The following DMC1 variants were observed in gnomAD, a reference collection of about 807,000 sequenced individuals.
DMC1 encodes DNA meiotic recombinase 1, also known as meiotic recombination protein DMC1 homolog.
A neutral mutation model predicts 50.1 loss-of-function variants in DMC1; 27 were observed. The ratio of observed to expected loss-of-function variants is 0.54; its 90% CI spans 0.40 to 0.74. The LOEUF is 0.74. Among genes scored for constraint, DMC1 ranks in the 30% least tolerant of loss-of-function variants. The pLI, the probability that DMC1 is intolerant of heterozygous loss-of-function variation, is 0.00. For missense variants in DMC1, 295 were observed against 420.2 expected, an observed-to-expected ratio of 0.70 and a Z score of 2.60; for synonymous variants, 148 against 136.1, an observed-to-expected ratio of 1.09 and a Z score of -0.61.
chr22:38,523,521 T>C (rs1473765688), intron 12 of DMC1, among the ~76,000 whole-genome samples: 1 of 152,230 alleles, frequency 6.6e-6, no homozygotes, highest in Non-Finnish European at 1.5e-5. Context: ...TTTAGTACTA[T>C]TATTTATTTA....
At chr22:38,536,363 C>T (rs1347614445) in intron 12 of DMC1, among the ~76,000 whole-genome samples, 1 of 152,152 alleles carries the variant, frequency 6.6e-6, no homozygotes, top group South Asian at 2.1e-4. Flanking sequence ...TATTCAGACA[C>T]ATAATGCTCA....
chr22:38,557,818 T>C (rs575594840), intron 5 of DMC1, among the ~76,000 whole-genome samples: 165 of 152,256 alleles, frequency 1.1e-3, no homozygotes, highest in Non-Finnish European at 1.8e-3. Context: ...TTCAAGTTGA[T>C]AACTAATTTT....
chr22:38,535,659 G>A (rs2090203504), intron 12 of DMC1, among the ~76,000 whole-genome samples: 1 of 151,374 alleles, frequency 6.6e-6, no homozygotes, highest in Admixed American at 6.6e-5. Context: ...CCAGGCTGGA[G>A]TGCAGTGGCA....
downstream of DMC1, among the ~76,000 whole-genome samples, chr22:38,516,494 C>T (rs1021223035): frequency 3.9e-5 from 6 of 152,178 alleles, no homozygotes; most frequent in African/African-American, 1.4e-4. Flanking sequence ...TGGTCCACCC[C>T]CTCTCCAGGG....
downstream of DMC1, chr22:38,518,940 A>G (rs1464755066): frequency 6.6e-6 from 1 of 152,580 alleles, no homozygotes; most frequent in East Asian, 1.9e-4. Flanking sequence ...ACATATTTTC[A>G]CCATACATGC....
chr22:38,550,977 G>GA (rs1373690956), intron 7 of DMC1, among the ~76,000 whole-genome samples: 7 of 140,152 alleles, frequency 5.0e-5, no homozygotes, highest in Admixed American at 2.8e-4. Context: ...AAAGAAAAAA[G>GA]AAAAAAAAGA....
the DMC1 span, among the ~76,000 whole-genome samples, chr22:38,509,418 G>T: frequency 6.6e-6 from 1 of 152,068 alleles, no homozygotes; most frequent in Admixed American, 6.6e-5. Flanking sequence ...TTCTGCTCAC[G>T]CTCAGATAAT....
intron 12 of DMC1, among the ~76,000 whole-genome samples, chr22:38,528,505 G>T (rs997642319): frequency 3.3e-5 from 5 of 152,044 alleles, no homozygotes; most frequent in Admixed American, 3.3e-4. Context: ...GGGCACAGTG[G>T]CTCACGCTTG....
At position 38,519,889 on chromosome 22, in the gene DMC1, ATC is replaced by A. The variant is rs2090004911; in HGVS notation, c.*129_*130del. 1 of 709,328 alleles carries A rather than the reference ATC, an allele frequency of 1.4e-6. No homozygotes were observed. The highest frequency in any genetic ancestry group is 2.8e-5 in the East Asian group (1 of 36,200). 43.9% of individuals were successfully genotyped at this position (709,328 alleles called of 1,614,324 possible). A position where few individuals can be genotyped will look rare whatever the true frequency, so the allele number is the denominator to read the frequency against. On this transcript the variant is annotated 3_prime_UTR_variant, in exon 14 of 14. Coordinates refer to ENST00000216024, the MANE Select transcript of DMC1 (RefSeq NM_007068.4). ...CTTTTAAGATAAATATAAGATTTAAATCTCTTTGCTGACTTTTCTTTAGTAAC... is the reference window on the plus strand; with the variant it reads ...CTTTTAAGATAAATATAAGATTTAAATCTTTGCTGACTTTTCTTTAGTAAC...
intron 11 of DMC1, 48 bp downstream of exon 11, chr22:38,538,247 A>G: frequency 3.4e-6 from 5 of 1,487,730 alleles, no homozygotes; most frequent in Non-Finnish European, 4.7e-6. Flanking sequence ...TCTGCAAAGT[A>G]TACTTGACAA....
chr22:38,554,655 T>C (rs1160813528), intron 6 of DMC1, among the ~76,000 whole-genome samples: 5 of 151,084 alleles, frequency 3.3e-5, no homozygotes, highest in African/African-American at 2.4e-5. Context: ...TTGGGCAACA[T>C]AGCGAGACCC....
At position 38,521,538 on chromosome 22, in the gene DMC1, TACACACACACACAC is replaced by T. The variant is rs111317680; in HGVS notation, c.953+56_953+69del. The T allele has an allele frequency of 6.7e-4, 433 of 643,024 alleles. 2 individuals carry two copies. The highest frequency in any genetic ancestry group is 4.3e-3 in the African/African-American group (192 of 44,912). 39.8% of individuals were successfully genotyped at this position (643,024 alleles called of 1,614,324 possible). A position where few individuals can be genotyped will look rare whatever the true frequency, so the allele number is the denominator to read the frequency against. ...GGGCAACATGGCAAAACCCCGTCTC[TACACACACACACAC>T]ACACACACACACACACACACACACA... is the stretch of plus-strand genomic sequence containing the variant. On this transcript the variant is annotated intron_variant, in intron 13 of 13. Transcript: ENST00000216024.
downstream of DMC1, among the ~76,000 whole-genome samples, chr22:38,514,617 A>T (rs2089963757): frequency 6.6e-6 from 1 of 152,162 alleles, no homozygotes; most frequent in African/African-American, 2.4e-5. Context: ...TAGGTAAATA[A>T]GCTGCCCTAA....
At chr22:38,539,106 T>A (rs561638984) in intron 9 of DMC1, among the ~76,000 whole-genome samples, 2 of 152,062 alleles carry the variant, frequency 1.3e-5, no homozygotes, top group African/African-American at 4.8e-5. Context: ...CCAAAAAGAA[T>A]GTTACTCTTA....
chr22:38,510,448 CTG>C, the DMC1 span, among the ~76,000 whole-genome samples: 1 of 152,156 alleles, frequency 6.6e-6, no homozygotes, highest in Non-Finnish European at 1.5e-5. Flanking sequence ...GAGCAAGACT[CTG>C]TGTCTAAAAA....
rs1288226781 is a variant in DMC1, at chr22:38,538,392, C to G, written c.678G>C (p.Met226Ile). ...CACTGAAATCCACTCGAAAAAGTGC[C>G]ATTATTGAATCGATAATCTACACAG... ...IFKLLIIDSI[M>I]ALFRVDFSGR... The change falls in exon 11 of 14, where the codon ATG (methionine) becomes ATC (isoleucine). Residue 226 changes from methionine (M) to isoleucine (I), a missense_variant. Transcript: ENST00000216024. 6.2e-7 allele frequency: 1 copy of G among 1,611,840 alleles called. No homozygotes were observed. The highest frequency in any genetic ancestry group is 1.1e-5 in the South Asian group (1 of 90,972).
At chr22:38,554,783 C>A (rs2090451234) in intron 6 of DMC1, among the ~76,000 whole-genome samples, 1 of 151,866 alleles carries the variant, frequency 6.6e-6, no homozygotes, top group Non-Finnish European at 1.5e-5. Context: ...ATTCAATTAC[C>A]TTTTGAACAA....
intron 12 of DMC1, among the ~76,000 whole-genome samples, chr22:38,533,395 CAA>C (rs1296043692): frequency 3.6e-4 from 14 of 38,480 alleles, no homozygotes; most frequent in African/African-American, 1.1e-3. Flanking sequence ...GACTCCATCA[CAA>C]AAAAAAAAAA....
At chr22:38,565,324 A>C (rs2090570087) in intron 4 of DMC1, among the ~76,000 whole-genome samples, 1 of 149,202 alleles carries the variant, frequency 6.7e-6, no homozygotes, top group Non-Finnish European at 1.5e-5. Context: ...TAGCTAAAAC[A>C]GGGTCCAGGG....
Sources: allele counts gnomAD v4.1 joint callset (sites outside exome capture counted in the v4.1 genomes callset), GRCh38; gene constraint gnomAD v4.1.1; transcripts MANE v1.5; gene names NCBI Gene and HGNC (gene_info 2026-07-23, HGNC 2026-07-21).